The following NKAIN2 variants were observed in gnomAD, a reference collection of about 807,000 sequenced individuals.
The protein encoded by NKAIN2 is sodium/potassium-transporting ATPase subunit beta-1-interacting protein 2.
A neutral mutation model predicts 32.6 loss-of-function variants in NKAIN2; 14 were observed. The ratio of observed to expected loss-of-function variants is 0.43; its 90% CI spans 0.28 to 0.67. The LOEUF is 0.67. Among genes scored for constraint, NKAIN2 ranks in the 30% least tolerant of loss-of-function variants. The probability of loss-of-function intolerance (pLI) is 0.17; values close to 1 mark genes in which losing one functional copy is unlikely to be tolerated. For missense variants in NKAIN2, 198 were observed against 258.3 expected (o/e 0.77, Z 1.60); for synonymous variants, 80 against 87.2 (o/e 0.92, Z 0.46).
chr6:124,277,316 T>C (rs1209112688), intron 1 of NKAIN2, among the ~76,000 whole-genome samples: 2 of 152,122 alleles, frequency 1.3e-5, no homozygotes, highest in Non-Finnish European at 2.9e-5. Flanking sequence ...GAAGTTTATC[T>C]AAACTTTAAT....
At chr6:124,338,083 G>A (rs1797955980) in intron 2 of NKAIN2, among the ~76,000 whole-genome samples, 2 of 152,176 alleles carry the variant, frequency 1.3e-5, no homozygotes, top group South Asian at 4.1e-4. Flanking sequence ...TATCACAAGG[G>A]GAAAGGACTC....
At chr6:124,176,275 C>T (rs1334353096) in intron 1 of NKAIN2, among the ~76,000 whole-genome samples, 2 of 152,038 alleles carry the variant, frequency 1.3e-5, no homozygotes, top group Non-Finnish European at 2.9e-5. Flanking sequence ...TTACTACAGA[C>T]CTTCGATTTG....
chr6:124,033,651 C>T (rs975510758), intron 1 of NKAIN2, among the ~76,000 whole-genome samples: 3 of 151,962 alleles, frequency 2.0e-5, no homozygotes, highest in East Asian at 1.9e-4. Flanking sequence ...TCCCACTAAA[C>T]GAAAGAAAGG....
At chr6:124,557,998 T>C (rs1780539398) in intron 3 of NKAIN2, among the ~76,000 whole-genome samples, 1 of 152,256 alleles carries the variant, frequency 6.6e-6, no homozygotes, top group South Asian at 2.1e-4. Flanking sequence ...TTACATGATA[T>C]ACAATGCATT....
intron 1 of NKAIN2, among the ~76,000 whole-genome samples, chr6:123,860,513 T>G (rs1775745798): frequency 6.6e-6 from 1 of 152,094 alleles, no homozygotes; most frequent in Non-Finnish European, 1.5e-5. Flanking sequence ...TGGGCTCAAG[T>G]GATCCTCACA....
chr6:124,137,248 CTT>C (rs1218675635), intron 1 of NKAIN2, among the ~76,000 whole-genome samples: 2 of 151,958 alleles, frequency 1.3e-5, no homozygotes, highest in Admixed American at 6.6e-5. Context: ...AGAACTCAAT[CTT>C]TTTTTCAACG....
At chr6:123,981,623 C>A (rs1402105905) in intron 1 of NKAIN2, among the ~76,000 whole-genome samples, 1 of 152,142 alleles carries the variant, frequency 6.6e-6, no homozygotes, top group East Asian at 1.9e-4. Context: ...AGTTTCAGCT[C>A]TTGATAGACT....
At chr6:124,530,564 A>G (rs898299098) in intron 3 of NKAIN2, among the ~76,000 whole-genome samples, 1 of 152,176 alleles carries the variant, frequency 6.6e-6, no homozygotes, top group African/African-American at 2.4e-5. Flanking sequence ...CGAGCTGTGC[A>G]AGGGTCAACT....
Position 124,342,358 on chromosome 6 carries a change from G to A in NKAIN2, c.193-12909G>A, listed in dbSNP as rs185004785. On this transcript the variant is annotated intron_variant, in intron 2 of 6. Transcript: ENST00000368417. The stretch of plus-strand genomic sequence containing the variant: ...TGGGAGGCAGAGCTTGCAGTGAGCC[G>A]AGATTGCCCCACTGCACTCCAGTCT... 4.0e-3 allele frequency among the ~76,000 whole-genome samples: 601 copies of A among 148,890 alleles called. 3 individuals carry two copies. The highest frequency in any genetic ancestry group is 6.6e-3 in the Non-Finnish European group (444 of 67,496).
At chr6:124,444,205 T>G (rs961508172) in intron 3 of NKAIN2, among the ~76,000 whole-genome samples, 2 of 152,088 alleles carry the variant, frequency 1.3e-5, no homozygotes, top group African/African-American at 4.8e-5. Flanking sequence ...AATTATGGAA[T>G]GTACTAGAAT....
chr6:124,523,981 A>G (rs912656965), intron 3 of NKAIN2, among the ~76,000 whole-genome samples: 2 of 152,208 alleles, frequency 1.3e-5, no homozygotes, highest in African/African-American at 4.8e-5. Flanking sequence ...ATAGAACTCT[A>G]TTGAAAGTCT....
chr6:123,920,067 ATT>A (rs1043845162), intron 1 of NKAIN2, among the ~76,000 whole-genome samples: 1 of 151,882 alleles, frequency 6.6e-6, no homozygotes, highest in African/African-American at 2.4e-5. Context: ...TCAGTTATTG[ATT>A]TTTTTTCATG....
chr6:124,544,678 A>C (rs943108727), intron 3 of NKAIN2, among the ~76,000 whole-genome samples: 1 of 152,060 alleles, frequency 6.6e-6, no homozygotes, highest in African/African-American at 2.4e-5. Context: ...AAAAAAAAAG[A>C]TGATGTCTGA....
chr6:124,697,493 C>A (rs1228995442), intron 4 of NKAIN2, among the ~76,000 whole-genome samples: 1 of 152,122 alleles, frequency 6.6e-6, no homozygotes, highest in Non-Finnish European at 1.5e-5. Context: ...TATGAGTACA[C>A]TTCTGTGTCT....
intron 2 of NKAIN2, among the ~76,000 whole-genome samples, chr6:124,333,169 C>T (rs1223939136): frequency 6.6e-6 from 1 of 152,086 alleles, no homozygotes; most frequent in Non-Finnish European, 1.5e-5. Context: ...ATATGTATAG[C>T]ACTTGGCCCT....
intron 4 of NKAIN2, among the ~76,000 whole-genome samples, chr6:124,676,772 A>G (rs1482347233): frequency 6.6e-6 from 1 of 152,010 alleles, no homozygotes; most frequent in Non-Finnish European, 1.5e-5. Flanking sequence ...CCTTCTTGTG[A>G]CAATTTATTT....
At chr6:124,664,104 G>A (rs764440651) in intron 4 of NKAIN2, among the ~76,000 whole-genome samples, 5 of 151,864 alleles carry the variant, frequency 3.3e-5, no homozygotes, top group African/African-American at 7.2e-5. Flanking sequence ...CTGAAACCCC[G>A]TCTCTACTAA....
At chr6:123,982,085 A>G (rs543928113) in intron 1 of NKAIN2, among the ~76,000 whole-genome samples, 1 of 151,982 alleles carries the variant, frequency 6.6e-6, no homozygotes, top group South Asian at 2.1e-4. Context: ...CTTTTTTTTC[A>G]TAGAAAAAAT....
rs776207970 is a variant in NKAIN2, at chr6:124,355,226, C to A, written c.193-41C>A. 11 of 1,321,854 alleles carry A rather than the reference C, an allele frequency of 8.3e-6. No individual in the cohort carries two copies. The East Asian group carries it at 2.1e-4, about 25-fold the overall frequency. The allele number at this position is 1,321,854 out of a possible 1,614,324, so 81.9% of individuals were successfully genotyped here. ...TTATTTGAATCATACTCAACTGATT[C>A]CAAATTAATTATACGTTATTTCTCT... is the stretch of plus-strand genomic sequence containing the variant. On this transcript the variant is annotated intron_variant, in intron 2 of 6. Coordinates refer to ENST00000368417, the MANE Select transcript of NKAIN2 (RefSeq NM_001040214.3).
Sources: allele counts gnomAD v4.1 joint callset (sites outside exome capture counted in the v4.1 genomes callset), GRCh38; gene constraint gnomAD v4.1.1; transcripts MANE v1.5; gene names NCBI Gene and HGNC (gene_info 2026-07-23, HGNC 2026-07-21).